The following CYTH3 variants were observed in gnomAD, a reference collection of about 807,000 sequenced individuals.
CYTH3 encodes cytohesin 3, also known as cytohesin-3.
A neutral mutation model predicts 55.1 loss-of-function variants in CYTH3; 23 were observed. That is an observed-to-expected ratio of 0.42 (90% CI 0.30 to 0.59). CYTH3 has a LOEUF of 0.59. Ranked by LOEUF, CYTH3 falls within the 20% of genes least tolerant of loss-of-function variation. The pLI is 0.20. For synonymous variants in CYTH3, 249 were observed against 194.9 expected (o/e 1.28, Z -2.31); for missense variants, 413 against 524.8 (o/e 0.79, Z 2.08).
intron 1 of CYTH3, among the ~76,000 whole-genome samples, chr7:6,239,092 T>G (rs914691095): frequency 1.3e-5 from 2 of 152,112 alleles, no homozygotes; most frequent in Non-Finnish European, 2.9e-5. Context: ...TACATGCCTG[T>G]AGTCCCAACT....
intron 1 of CYTH3, among the ~76,000 whole-genome samples, chr7:6,201,706 T>C (rs1261942624): frequency 6.6e-6 from 1 of 152,120 alleles, no homozygotes; most frequent in African/African-American, 2.4e-5. Flanking sequence ...AACAACAGCA[T>C]GTAAATAAGA....
chr7:6,253,975 A>T (rs934075336), intron 1 of CYTH3, among the ~76,000 whole-genome samples: 1 of 151,468 alleles, frequency 6.6e-6, no homozygotes, highest in Non-Finnish European at 1.5e-5. Context: ...CCTGGGTGAC[A>T]GAGTGAGACT....
Position 6,206,668 on chromosome 7 carries a change from A to G in CYTH3, c.35-16137T>C, listed in dbSNP as rs193253303. Among the ~76,000 whole-genome samples the G allele has an allele frequency of 2.0e-4, 31 of 152,332 alleles. No individual in the cohort carries two copies. In the East Asian group the frequency reaches 6.0e-3, roughly 29 times the overall value. ...CTGATCCCTTTTAATCCTTAACAGA[A>G]GAAGGGAAGAATTTCCTGAAAAAGA... On this transcript the variant is annotated intron_variant, in intron 1 of 12. Transcript: ENST00000350796.
At chr7:6,175,191 G>A (rs1273312211) in intron 5 of CYTH3, among the ~76,000 whole-genome samples, 1 of 152,122 alleles carries the variant, frequency 6.6e-6, no homozygotes, top group African/African-American at 2.4e-5. Flanking sequence ...ATGGCCTGTG[G>A]GTTGTCTTTT....
chr7:6,184,608 C>T (rs1262209579), intron 4 of CYTH3, among the ~76,000 whole-genome samples: 1 of 152,018 alleles, frequency 6.6e-6, no homozygotes, highest in Non-Finnish European at 1.5e-5. Context: ...GAGACAGCCT[C>T]TTACTCTTGT....
chr7:6,189,382 C>T (rs1050196329), intron 2 of CYTH3, among the ~76,000 whole-genome samples: 3 of 152,080 alleles, frequency 2.0e-5, no homozygotes, highest in African/African-American at 7.2e-5. Flanking sequence ...AATCACAGTT[C>T]ACTGTAGCCT....
intron 6 of CYTH3, chr7:6,172,857 A>G: frequency 1.6e-6 from 2 of 1,273,258 alleles, no homozygotes; most frequent in Non-Finnish European, 2.0e-6. Flanking sequence ...CTGCGCTGTG[A>G]GCACAACATC....
intron 1 of CYTH3, among the ~76,000 whole-genome samples, chr7:6,249,173 G>A (rs1312730932): frequency 2.0e-5 from 3 of 152,152 alleles, no homozygotes; most frequent in African/African-American, 7.2e-5. Context: ...CTTTCAAATG[G>A]GAAGGTTCAC....
At chr7:6,238,443 TA>T (rs1487890834) in intron 1 of CYTH3, among the ~76,000 whole-genome samples, 1 of 152,170 alleles carries the variant, frequency 6.6e-6, no homozygotes, top group Non-Finnish European at 1.5e-5. Flanking sequence ...CAATAAAGAC[TA>T]ATGAAAGTAC....
At chr7:6,209,800 C>G (rs976146657) in intron 1 of CYTH3, among the ~76,000 whole-genome samples, 6 of 152,236 alleles carry the variant, frequency 3.9e-5, no homozygotes, top group African/African-American at 1.2e-4. Context: ...GCTCTCAAGC[C>G]TTGAAAAGAC....
chr7:6,244,291 C>T (rs753793361), intron 1 of CYTH3, among the ~76,000 whole-genome samples: 3 of 152,282 alleles, frequency 2.0e-5, no homozygotes, highest in East Asian at 1.9e-4. Flanking sequence ...GATTGAATGA[C>T]GTAACTCAAC....
chr7:6,224,333 AAG>A (rs1779184495), intron 1 of CYTH3, among the ~76,000 whole-genome samples: 1 of 151,708 alleles, frequency 6.6e-6, no homozygotes, highest in Non-Finnish European at 1.5e-5. Flanking sequence ...AAAAAAAAAA[AAG>A]ATTGATGGAA....
chr7:6,219,841 G>A (rs1784513256), intron 1 of CYTH3, among the ~76,000 whole-genome samples: 1 of 152,016 alleles, frequency 6.6e-6, no homozygotes, highest in Admixed American at 6.6e-5. Context: ...CAAGTCAAAG[G>A]AATCAGAATA....
Position 6,232,108 on chromosome 7 carries a change from C to A in CYTH3, c.34+40366G>T, listed in dbSNP as rs183315153. Among the ~76,000 whole-genome samples the A allele has an allele frequency of 3.3e-5, 5 of 152,280 alleles. No homozygotes were observed. In the East Asian group the frequency reaches 9.6e-4, roughly 29 times the overall value. On this transcript the variant is annotated intron_variant, in intron 1 of 12. Coordinates refer to ENST00000350796, the MANE Select transcript of CYTH3 (RefSeq NM_004227.4). The stretch of plus-strand genomic sequence containing the variant: ...ACCTTTTTTTGAATGGCTGTCTTAC[C>A]TTTTACCCTTCCACTAGACCCATTG...
At chr7:6,184,473 T>C (rs993121432) in intron 4 of CYTH3, among the ~76,000 whole-genome samples, 4 of 152,124 alleles carry the variant, frequency 2.6e-5, no homozygotes, top group Admixed American at 6.6e-5. Flanking sequence ...ACGGTATATA[T>C]AAAACAGGAA....
At chr7:6,209,480 G>A (rs563830459) in intron 1 of CYTH3, among the ~76,000 whole-genome samples, 3 of 152,276 alleles carry the variant, frequency 2.0e-5, no homozygotes, top group Admixed American at 6.5e-5. Context: ...AGAAGCTGTC[G>A]TTGGCGGTGC....
intron 1 of CYTH3, among the ~76,000 whole-genome samples, chr7:6,192,406 A>G (rs1195452280): frequency 2.6e-5 from 4 of 151,928 alleles, no homozygotes; most frequent in African/African-American, 9.7e-5. Flanking sequence ...TTAAATTTAA[A>G]GACAGGGTCT....
Position 6,170,300 on chromosome 7 carries a change from C to T in CYTH3, c.823+235G>A, listed in dbSNP as rs927242444. The T allele has an allele frequency of 2.1e-5, 11 of 524,176 alleles. No individual in the cohort carries two copies. The highest frequency in any genetic ancestry group is 1.5e-4 in the Admixed American group (4 of 27,484). 32.5% of individuals were successfully genotyped at this position (524,176 alleles called of 1,614,324 possible). A position where few individuals can be genotyped will look rare whatever the true frequency, so the allele number is the denominator to read the frequency against. ...ATGCTAACTCAGCAGTTTTCTGGGA[C>T]GGGCCGTGCAGCCTGGGCGCTACTC... On this transcript the variant is annotated intron_variant, in intron 9 of 12. Transcript: ENST00000350796. The surrounding 1 kb of genome is among the most constrained non-coding windows in gnomAD (Gnocchi z 7.8).
intron 9 of CYTH3, among the ~76,000 whole-genome samples, 157 bp from the exon 10 acceptor site, chr7:6,165,967 C>A (rs1336313032): frequency 6.6e-6 from 1 of 152,184 alleles, no homozygotes; most frequent in Non-Finnish European, 1.5e-5. Flanking sequence ...CACCGCAGGG[C>A]CCCACATGCA....
Sources: allele counts gnomAD v4.1 joint callset (sites outside exome capture counted in the v4.1 genomes callset), GRCh38; gene constraint gnomAD v4.1.1; non-coding constraint Gnocchi (gnomAD v3.1); transcripts MANE v1.5; gene names NCBI Gene and HGNC (gene_info 2026-07-23, HGNC 2026-07-21).